STK32A: variants seen among roughly 807,000 people sequenced by gnomAD.
The protein encoded by STK32A is serine/threonine kinase 32A, also known as serine/threonine-protein kinase 32A.
STK32A carries 41 observed loss-of-function variants against 53.2 expected under a neutral mutation model. The observed-to-expected ratio is 0.77, with a 90% CI of 0.60 to 1.00. STK32A has a LOEUF of 1.00. Among genes scored for constraint, STK32A ranks in the 50% least tolerant of loss-of-function variants. The probability of loss-of-function intolerance (pLI) is 0.00; values close to 1 mark genes in which losing one functional copy is unlikely to be tolerated. For synonymous variants in STK32A, 166 were observed against 162.8 expected, an observed-to-expected ratio of 1.02 and a Z score of -0.15; for missense variants, 458 against 485.8, an observed-to-expected ratio of 0.94 and a Z score of 0.54.
chr5:147,322,620 C>G (rs1754373337), intron 4 of STK32A, among the ~76,000 whole-genome samples: 1 of 152,168 alleles, frequency 6.6e-6, no homozygotes, highest in Non-Finnish European at 1.5e-5. Flanking sequence ...TCAAATGAAA[C>G]TTTAAAATGT....
intron 8 of STK32A, among the ~76,000 whole-genome samples, chr5:147,362,306 G>A (rs192925581): frequency 6.6e-6 from 1 of 152,310 alleles, no homozygotes; most frequent in East Asian, 1.9e-4. Context: ...TGGTTATGGA[G>A]GTTGGAAGTC....
At chr5:147,333,214 G>A (rs1754957027) in intron 5 of STK32A, among the ~76,000 whole-genome samples, 1 of 152,124 alleles carries the variant, frequency 6.6e-6, no homozygotes, top group Non-Finnish European at 1.5e-5. Flanking sequence ...TTAGAGCTAT[G>A]ATGTTTGGTA....
intron 4 of STK32A, among the ~76,000 whole-genome samples, chr5:147,315,732 T>A (rs1561714356): frequency 6.6e-6 from 1 of 152,156 alleles, no homozygotes; most frequent in African/African-American, 2.4e-5. Flanking sequence ...TTATATGATA[T>A]GTATATTTTA....
At chr5:147,236,977 T>C (rs1360643143) in intron 1 of STK32A, among the ~76,000 whole-genome samples, 2 of 152,062 alleles carry the variant, frequency 1.3e-5, no homozygotes, top group African/African-American at 4.8e-5. Context: ...TAAAAGACAA[T>C]GTAGCCTCTG....
At chr5:147,310,402 G>A (rs1753633620) in intron 4 of STK32A, among the ~76,000 whole-genome samples, 1 of 152,154 alleles carries the variant, frequency 6.6e-6, no homozygotes, top group African/African-American at 2.4e-5. Context: ...GAAATAAATT[G>A]CCTTTCTGGC....
At chr5:147,323,787 G>A in intron 4 of STK32A, 111 bp from the exon 5 acceptor site, 2 of 919,118 alleles carry the variant, frequency 2.2e-6, no homozygotes, top group South Asian at 1.8e-5. Context: ...CCCAAAGTCT[G>A]AGCTCTTAGC....
At chr5:147,256,686 TTTTTAGTAGAGACGG>T (rs1250397037) in intron 2 of STK32A, among the ~76,000 whole-genome samples, 36 of 152,196 alleles carry the variant, frequency 2.4e-4, no homozygotes, top group African/African-American at 7.7e-4. Flanking sequence ...TAAGTTTGTA[TTTTTAGTAGAGACGG>T]TGGTTTCTCC....
intron 5 of STK32A, among the ~76,000 whole-genome samples, chr5:147,326,648 C>T (rs1485106710): frequency 6.6e-6 from 1 of 152,132 alleles, no homozygotes; most frequent in African/African-American, 2.4e-5. Context: ...ACCAGAAGTT[C>T]AGGCTTACAA....
chr5:147,389,754 C>T (rs1364027372), downstream of STK32A, among the ~76,000 whole-genome samples: 6 of 152,086 alleles, frequency 3.9e-5, no homozygotes, highest in Non-Finnish European at 8.8e-5. Context: ...GCCTGTAGTC[C>T]CAGCTACTCA....
chr5:147,338,431 C>CT (rs1315282791), intron 5 of STK32A, among the ~76,000 whole-genome samples: 1 of 152,126 alleles, frequency 6.6e-6, no homozygotes, highest in Non-Finnish European at 1.5e-5. Flanking sequence ...TTGGGTATGT[C>CT]TTTATTAGCA....
At chr5:147,284,674 AAC>A (rs1218694129) in intron 4 of STK32A, among the ~76,000 whole-genome samples, 58 of 141,518 alleles carry the variant, frequency 4.1e-4, no homozygotes, top group Non-Finnish European at 8.0e-4. Flanking sequence ...TGCAAAAAAA[AAC>A]AAAACAAAAC....
At chr5:147,266,266 T>TCAC (rs1365514849) in intron 2 of STK32A, among the ~76,000 whole-genome samples, 12 of 152,138 alleles carry the variant, frequency 7.9e-5, no homozygotes, top group Non-Finnish European at 1.0e-4. Context: ...TCTTAATGCT[T>TCAC]TGAGCTCAAA....
rs779396465 is a variant in STK32A, at chr5:147,279,258, A to G, written c.120A>G (p.Val40=). Residue 40 remains valine, a synonymous_variant, in exon 4 of 13, where the codon GTA becomes GTG. Coordinates refer to ENST00000397936, the MANE Select transcript of STK32A (RefSeq NM_001112724.2). ...GKGSFGKVCI[V]QKNDTKKMYA... Reference sequence around the variant, plus strand: ...GTTTTCACCATTAGGTCTGCATTGTACAGAAGAATGATACCAAGAAGATGT... The same window carrying G: ...GTTTTCACCATTAGGTCTGCATTGTGCAGAAGAATGATACCAAGAAGATGT... 1.9e-6 allele frequency: 3 copies of G among 1,613,676 alleles called. No homozygotes were observed. The highest frequency in any genetic ancestry group is 2.5e-6 in the Non-Finnish European group (3 of 1,179,752).
intron 2 of STK32A, among the ~76,000 whole-genome samples, chr5:147,276,633 T>C (rs1755271915): frequency 6.6e-6 from 1 of 152,226 alleles, no homozygotes; most frequent in Admixed American, 6.5e-5. Flanking sequence ...CCAGGAATTT[T>C]CTGAGGTGGC....
At chr5:147,294,098 C>T (rs576238335) in intron 4 of STK32A, among the ~76,000 whole-genome samples, 1 of 152,220 alleles carries the variant, frequency 6.6e-6, no homozygotes, top group South Asian at 2.1e-4. Flanking sequence ...AAAGAGGGGC[C>T]CAGACTCTGG....
chr5:147,312,447 A>G (rs74415491), intron 4 of STK32A, among the ~76,000 whole-genome samples: 7,342 of 152,252 alleles, frequency 0.048, 252 homozygotes, highest in East Asian at 0.084. Flanking sequence ...TCTCAAATTC[A>G]TTCTGTTTAC....
the STK32A span, among the ~76,000 whole-genome samples, chr5:147,398,755 G>A: frequency 1.3e-5 from 2 of 152,100 alleles, no homozygotes; most frequent in South Asian, 2.1e-4. Flanking sequence ...AGGCAGTGAC[G>A]TACACCACAT....
intron 4 of STK32A, among the ~76,000 whole-genome samples, chr5:147,298,412 C>A (rs1752971217): frequency 6.6e-6 from 1 of 152,174 alleles, no homozygotes. Context: ...ATTGTGTGTG[C>A]AAACAAACTA....
At chr5:147,372,578 G>A (rs568477075) in intron 9 of STK32A, among the ~76,000 whole-genome samples, 1 of 152,164 alleles carries the variant, frequency 6.6e-6, no homozygotes, top group Admixed American at 6.5e-5. Context: ...GCCTATTTGA[G>A]CCACACAATT....
Sources: allele counts gnomAD v4.1 joint callset (sites outside exome capture counted in the v4.1 genomes callset), GRCh38; gene constraint gnomAD v4.1.1; transcripts MANE v1.5; gene names NCBI Gene and HGNC (gene_info 2026-07-23, HGNC 2026-07-21).